The following NELL1 variants were observed in gnomAD, a reference collection of about 807,000 sequenced individuals.
The protein encoded by NELL1 is neural EGFL like 1.
In NELL1, 76 loss-of-function variants were observed where a neutral mutation model predicts 107.4. The ratio of observed to expected loss-of-function variants is 0.71; its 90% CI spans 0.59 to 0.86. NELL1 has a LOEUF of 0.86. NELL1 is among the 40% of genes least tolerant of loss of function. The probability of loss-of-function intolerance (pLI) is 0.00; values close to 1 mark genes in which losing one functional copy is unlikely to be tolerated. For missense variants in NELL1, 1,024 were observed against 1,005.5 expected (o/e 1.02, Z -0.25); for synonymous variants, 353 against 341.2 (o/e 1.03, Z -0.38).
At chr11:21,121,292 A>C (rs1054997897) in intron 13 of NELL1, among the ~76,000 whole-genome samples, 1 of 152,168 alleles carries the variant, frequency 6.6e-6, no homozygotes, top group Non-Finnish European at 1.5e-5. Flanking sequence ...TGTGGAGTTC[A>C]GGAAGTCATG....
chr11:20,990,496 CTT>C (rs1851949159), intron 12 of NELL1, among the ~76,000 whole-genome samples: 1 of 152,206 alleles, frequency 6.6e-6, no homozygotes, highest in Non-Finnish European at 1.5e-5. Flanking sequence ...CTGTTGAACT[CTT>C]TTTGTCATTT....
At chr11:21,288,152 A>G (rs917347894) in intron 14 of NELL1, among the ~76,000 whole-genome samples, 2 of 152,012 alleles carry the variant, frequency 1.3e-5, no homozygotes, top group African/African-American at 4.8e-5. Context: ...AAGGGAAGGA[A>G]AGAAAGGAAG....
intron 14 of NELL1, among the ~76,000 whole-genome samples, chr11:21,238,395 A>C (rs1368621158): frequency 6.6e-6 from 1 of 152,076 alleles, no homozygotes; most frequent in African/African-American, 2.4e-5. Flanking sequence ...ATGAGATATT[A>C]TAATATGATA....
At chr11:21,233,274 C>T (rs2133888932) in intron 14 of NELL1, among the ~76,000 whole-genome samples, 1 of 152,276 alleles carries the variant, frequency 6.6e-6, no homozygotes, top group African/African-American at 2.4e-5. Context: ...TAGTTCCCAC[C>T]ATAATCTTGA....
chr11:21,033,281 T>TC (rs1349690573), intron 12 of NELL1, among the ~76,000 whole-genome samples: 3 of 152,304 alleles, frequency 2.0e-5, no homozygotes, highest in Admixed American at 1.3e-4. Context: ...TCAGCTATTC[T>TC]CCAAGTATTT....
intron 15 of NELL1, among the ~76,000 whole-genome samples, chr11:21,512,310 G>A (rs1292759970): frequency 6.6e-6 from 1 of 152,102 alleles, no homozygotes; most frequent in East Asian, 1.9e-4. Flanking sequence ...ACCTCTGTTA[G>A]ATAATTAGGA....
chr11:21,364,325 G>A (rs1431144461), intron 14 of NELL1, among the ~76,000 whole-genome samples: 4 of 147,014 alleles, frequency 2.7e-5, no homozygotes, highest in Admixed American at 2.1e-4. Context: ...GCAGTAGAAT[G>A]GCATGAACCC....
intron 12 of NELL1, among the ~76,000 whole-genome samples, chr11:21,079,589 C>T (rs903499215): frequency 6.6e-5 from 10 of 151,876 alleles, no homozygotes; most frequent in African/African-American, 2.2e-4. Flanking sequence ...TACTGAGAAA[C>T]GTCTAGTAAA....
intron 12 of NELL1, among the ~76,000 whole-genome samples, chr11:20,966,291 C>T (rs988579642): frequency 1.3e-5 from 2 of 152,076 alleles, no homozygotes; most frequent in Middle Eastern, 3.2e-3. Context: ...CAAGAGGGGG[C>T]AGAACTGGCC....
At chr11:21,523,176 GCTATT>G (rs1855771248) in intron 15 of NELL1, among the ~76,000 whole-genome samples, 2 of 151,892 alleles carry the variant, frequency 1.3e-5, no homozygotes, top group Admixed American at 6.6e-5. Context: ...AACCAATATA[GCTATT>G]CTAGTTTTCT....
At position 20,835,790 on chromosome 11, in the gene NELL1, T is replaced by C. The variant is rs1017448830; in HGVS notation, c.336-11793T>C. ...ACATAAATTAACTCAAAATAGATTA[T>C]GTACTTTACTGTAAAATGCAAAACT... On this transcript the variant is annotated intron_variant, in intron 3 of 19. Transcript: ENST00000357134. 6.6e-5 allele frequency among the ~76,000 whole-genome samples: 10 copies of C among 152,340 alleles called. No individual in the cohort carries two copies. The East Asian group carries it at 1.7e-3, about 26-fold the overall frequency.
chr11:20,985,925 A>G (rs1199084682), intron 12 of NELL1, among the ~76,000 whole-genome samples: 1 of 152,230 alleles, frequency 6.6e-6, no homozygotes, highest in African/African-American at 2.4e-5. Flanking sequence ...GAGCTAGGCT[A>G]CTGCTGTCAC....
At chr11:20,937,961 G>C (rs1166137254) in intron 10 of NELL1, 102 bp downstream of exon 10, 1 of 1,079,974 alleles carries the variant, frequency 9.3e-7, no homozygotes. Flanking sequence ...GCCTGGATAG[G>C]GCCCCGAGGG....
Position 20,825,332 on chromosome 11 carries a change from C to A in NELL1, c.336-22251C>A, listed in dbSNP as rs1564924315. Reference sequence around the variant, plus strand: ...GAAGAGGGCAACTGTCCTCCAGACCCCAGAATGGTAGATCTACCGACATCT... The same window carrying A: ...GAAGAGGGCAACTGTCCTCCAGACCACAGAATGGTAGATCTACCGACATCT... On this transcript the variant is annotated intron_variant, in intron 3 of 19. Transcript: ENST00000357134. Among the ~76,000 whole-genome samples, 5 of 151,160 alleles carry A rather than the reference C, an allele frequency of 3.3e-5. 1 individual carries two copies. The highest frequency in any genetic ancestry group is 2.0e-4 in the Admixed American group (3 of 15,058).
intron 14 of NELL1, among the ~76,000 whole-genome samples, chr11:21,233,218 G>A (rs1357262063): frequency 6.6e-6 from 1 of 152,190 alleles, no homozygotes; most frequent in Non-Finnish European, 1.5e-5. Context: ...CATTAAGTAT[G>A]TGCAAGACAC....
intron 12 of NELL1, among the ~76,000 whole-genome samples, chr11:21,102,490 TG>T (rs1234020095): frequency 6.6e-6 from 1 of 152,188 alleles, no homozygotes; most frequent in Non-Finnish European, 1.5e-5. Flanking sequence ...TTAGACTAGT[TG>T]CTTAGTCTCC....
intron 13 of NELL1, among the ~76,000 whole-genome samples, chr11:21,226,257 G>C (rs1176859853): frequency 1.3e-5 from 2 of 152,198 alleles, no homozygotes; most frequent in African/African-American, 2.4e-5. Flanking sequence ...TTCTCAGTAA[G>C]TATGTAGGAG....
intron 15 of NELL1, among the ~76,000 whole-genome samples, chr11:21,424,234 A>G (rs11828724): frequency 1.9e-3 from 287 of 152,346 alleles, no homozygotes; most frequent in African/African-American, 6.8e-3. Flanking sequence ...TTGACTAAGA[A>G]AAAGATAGAG....
At chr11:21,145,704 G>C (rs1267158136) in intron 13 of NELL1, among the ~76,000 whole-genome samples, 1 of 152,074 alleles carries the variant, frequency 6.6e-6, no homozygotes, top group African/African-American at 2.4e-5. Flanking sequence ...TGGGTTCTGG[G>C]GGCCCGTCCT....
Sources: gnomAD v4.1 joint callset for allele counts (sites outside exome capture counted in the v4.1 genomes callset) on GRCh38, gnomAD v4.1.1 for gene constraint, MANE v1.5 for transcripts, NCBI Gene and HGNC (gene_info 2026-07-23, HGNC 2026-07-21) for gene names.